The following ADAMTS6 variants were observed in gnomAD, a reference collection of about 807,000 sequenced individuals.
The protein encoded by ADAMTS6 is A disintegrin and metalloproteinase with thrombospondin motifs 6.
ADAMTS6 carries 23 observed loss-of-function variants against 144.3 expected under a neutral mutation model. The observed-to-expected ratio is 0.16, with a 90% CI of 0.11 to 0.23. ADAMTS6 has a LOEUF of 0.23. Among genes scored for constraint, ADAMTS6 ranks in the 10% least tolerant of loss-of-function variants. The pLI is 1.00. For synonymous variants in ADAMTS6, 444 were observed against 457.5 expected (o/e 0.97, Z 0.38); for missense variants, 999 against 1,379.6 (o/e 0.72, Z 4.37).
intron 15 of ADAMTS6, among the ~76,000 whole-genome samples, chr5:65,226,975 C>T (rs918725737): frequency 6.6e-6 from 1 of 152,152 alleles, no homozygotes; most frequent in African/African-American, 2.4e-5. Context: ...GAAGCTGATA[C>T]AAAAACTCTG....
chr5:65,470,865 A>G lies in ADAMTS6; in HGVS notation c.375T>C (p.His125=), dbSNP rs554747429. ...TGTAATGACAGTTGTCTAAAAAATCATGTTTCCACTGGGGTCCATCTTTCC... is the reference window on the plus strand; with the variant it reads ...TGTAATGACAGTTGTCTAAAAAATCGTGTTTCCACTGGGGTCCATCTTTCC... ...YWGKDGPQWK[H]DFLDNCHYTG... is the part of the protein sequence containing the mutation. The change falls in exon 3 of 25, where the codon CAT becomes CAC. Residue 125 remains histidine, a synonymous_variant. Coordinates refer to ENST00000381055, the MANE Select transcript of ADAMTS6 (RefSeq NM_197941.4). The G allele has an allele frequency of 8.7e-6, 14 of 1,609,666 alleles. No individual in the cohort carries two copies. The South Asian group carries it at 1.2e-4, about 14-fold the overall frequency.
At chr5:65,275,059 GA>G (rs887501576) in intron 11 of ADAMTS6, among the ~76,000 whole-genome samples, 1 of 151,620 alleles carries the variant, frequency 6.6e-6, no homozygotes. Flanking sequence ...CAAAATATTA[GA>G]AAAGAAGAGC....
intron 7 of ADAMTS6, among the ~76,000 whole-genome samples, chr5:65,365,025 A>G (rs1349401162): frequency 6.6e-6 from 1 of 152,158 alleles, no homozygotes; most frequent in Non-Finnish European, 1.5e-5. Flanking sequence ...TGCTTGCTCA[A>G]GGCCCAGGCA....
intron 15 of ADAMTS6, among the ~76,000 whole-genome samples, chr5:65,239,607 A>G (rs868370472): frequency 6.6e-6 from 1 of 152,328 alleles, no homozygotes; most frequent in South Asian, 2.1e-4. Context: ...CACCATTTAA[A>G]AAGCAATGGG....
intron 10 of ADAMTS6, among the ~76,000 whole-genome samples, chr5:65,294,641 T>G (rs980347979): frequency 1.3e-5 from 2 of 152,236 alleles, no homozygotes; most frequent in Non-Finnish European, 2.9e-5. Context: ...TAGTTACTAA[T>G]TAATTCTTAA....
intron 22 of ADAMTS6, among the ~76,000 whole-genome samples, 155 bp from the exon 23 acceptor site, chr5:65,173,163 G>A (rs1327861089): frequency 1.3e-5 from 2 of 152,214 alleles, no homozygotes; most frequent in Admixed American, 1.3e-4. Flanking sequence ...TTCCTTAAAA[G>A]TTTTGAAGCA....
chr5:65,442,910 T>C (rs1221900955), intron 7 of ADAMTS6, among the ~76,000 whole-genome samples: 17 of 152,128 alleles, frequency 1.1e-4, no homozygotes, highest in Middle Eastern at 3.2e-3. Context: ...ACTCCCACTT[T>C]TGAGTGAGAA....
chr5:65,175,579 C>T (rs1304126038), intron 22 of ADAMTS6, among the ~76,000 whole-genome samples: 1 of 152,116 alleles, frequency 6.6e-6, no homozygotes, highest in Non-Finnish European at 1.5e-5. Context: ...AACCCAGTAA[C>T]CTGTGGATGG....
Position 65,291,037 on chromosome 5 carries a change from C to T in ADAMTS6, c.1512+292G>A, listed in dbSNP as rs376290160. Among the ~76,000 whole-genome samples the T allele has an allele frequency of 6.6e-5, 10 of 151,394 alleles. No homozygotes were observed. In the South Asian group the frequency reaches 1.3e-3, roughly 19 times the overall value. ...TTTAAAGCCATAACATTTCAAAAGA[C>T]GAAATAAAGTTGGCATCATAAATTC... On this transcript the variant is annotated intron_variant, in intron 11 of 24. Transcript: ENST00000381055.
intron 7 of ADAMTS6, among the ~76,000 whole-genome samples, chr5:65,411,605 T>C (rs1755059290): frequency 6.6e-6 from 1 of 152,160 alleles, no homozygotes; most frequent in African/African-American, 2.4e-5. Flanking sequence ...ATGAGTGACG[T>C]GGGAGTTTGA....
At chr5:65,353,348 C>G (rs1749035640) in intron 7 of ADAMTS6, among the ~76,000 whole-genome samples, 1 of 151,864 alleles carries the variant, frequency 6.6e-6, no homozygotes, top group Non-Finnish European at 1.5e-5. Context: ...AGTAACTTAC[C>G]CAACAGCATA....
chr5:65,339,135 T>C (rs1415748030), intron 7 of ADAMTS6, among the ~76,000 whole-genome samples: 1 of 152,116 alleles, frequency 6.6e-6, no homozygotes, highest in Non-Finnish European at 1.5e-5. Context: ...ACCATGTGCA[T>C]ACATTTCTGA....
chr5:65,276,617 A>G (rs1457451126), intron 11 of ADAMTS6, among the ~76,000 whole-genome samples: 1 of 152,214 alleles, frequency 6.6e-6, no homozygotes, highest in African/African-American at 2.4e-5. Context: ...TTCTTTCTCT[A>G]AACTGCTAAA....
chr5:65,361,652 T>C (rs1749830249), intron 7 of ADAMTS6, among the ~76,000 whole-genome samples: 1 of 152,172 alleles, frequency 6.6e-6, no homozygotes, highest in Admixed American at 6.5e-5. Flanking sequence ...GGCTAGGAAA[T>C]AGTAAGTCAA....
At chr5:65,362,900 T>C (rs749121539) in intron 7 of ADAMTS6, among the ~76,000 whole-genome samples, 3 of 152,168 alleles carry the variant, frequency 2.0e-5, no homozygotes, top group Non-Finnish European at 2.9e-5. Flanking sequence ...ATAAAAATAA[T>C]TTGCTTCTTA....
At chr5:65,335,936 C>T (rs1290609221) in intron 7 of ADAMTS6, among the ~76,000 whole-genome samples, 1 of 150,190 alleles carries the variant, frequency 6.7e-6, no homozygotes, top group Non-Finnish European at 1.5e-5. Context: ...AAAGATTAAG[C>T]CAGATTAAAA....
chr5:65,460,296 G>T lies in ADAMTS6; in HGVS notation c.505C>A (p.Pro169Thr), dbSNP rs1160807969. ...GAATCCTCTGTGGTATTCTTTAAAGGTTCGATAAAATACTCTTCATCTTCT... is the reference window on the plus strand; with the variant it reads ...GAATCCTCTGTGGTATTCTTTAAAGTTTCGATAAAATACTCTTCATCTTCT... ...ATEDEEYFIE[P>T]LKNTTEDSKH... Residue 169 changes from proline (P) to threonine (T), a missense_variant, in exon 4 of 25, where the codon CCT (proline) becomes ACT (threonine). Coordinates refer to ENST00000381055, the MANE Select transcript of ADAMTS6 (RefSeq NM_197941.4). 1.2e-6 allele frequency: 2 copies of T among 1,613,414 alleles called. No individual in the cohort carries two copies. The highest frequency in any genetic ancestry group is 1.7e-6 in the Non-Finnish European group (2 of 1,179,682).
intron 7 of ADAMTS6, among the ~76,000 whole-genome samples, chr5:65,365,859 C>A (rs1320415457): frequency 6.6e-6 from 1 of 151,970 alleles, no homozygotes; most frequent in Non-Finnish European, 1.5e-5. Flanking sequence ...TCTTTGCCTG[C>A]CAATTGTTTC....
chr5:65,382,791 C>G (rs974726892), intron 7 of ADAMTS6, among the ~76,000 whole-genome samples: 1 of 152,208 alleles, frequency 6.6e-6, no homozygotes, highest in African/African-American at 2.4e-5. Context: ...TCTAAGTATG[C>G]CCTCTACTGT....
Sources: allele counts gnomAD v4.1 joint callset (sites outside exome capture counted in the v4.1 genomes callset), GRCh38; gene constraint gnomAD v4.1.1; transcripts MANE v1.5; gene names NCBI Gene and HGNC (gene_info 2026-07-23, HGNC 2026-07-21).